The following FHL5 variants were observed in gnomAD, a reference collection of about 807,000 sequenced individuals.
The protein encoded by FHL5 is four and a half LIM domains 5.
Under a neutral mutation model 32.0 loss-of-function variants are expected in FHL5, and 33 were observed. The observed-to-expected ratio is 1.03, with a 90% CI of 0.78 to 1.38. The LOEUF is 1.38. FHL5 is among the 40% of genes most tolerant of loss of function. The pLI is 0.00. For missense variants in FHL5, 336 were observed against 343.9 expected, an observed-to-expected ratio of 0.98 and a Z score of 0.18; for synonymous variants, 114 against 113.6, an observed-to-expected ratio of 1.00 and a Z score of -0.02.
At position 96,618,559 on chromosome 6, in the gene FHL5, A is replaced by G. The variant is rs1223210466; in HGVS notation, c.*2787A>G. Among the ~76,000 whole-genome samples the G allele has an allele frequency of 6.6e-6, 1 of 152,248 alleles. No homozygotes were observed. The highest frequency in any genetic ancestry group is 1.5e-5 in the Non-Finnish European group (1 of 68,052). ...TCCTTTGTGGAATAGAACCAAAGAA[A>G]GCAAGGTTCCAAGGATTAAGTTTCT... On this transcript the variant is annotated 3_prime_UTR_variant, in exon 6 of 6. Transcript: ENST00000450218.
chr6:96,585,363 C>A (rs149021167), intron 1 of FHL5, among the ~76,000 whole-genome samples: 4 of 152,050 alleles, frequency 2.6e-5, no homozygotes, highest in African/African-American at 9.7e-5. Flanking sequence ...GATAGCCATG[C>A]GGCAATCCCA....
At chr6:96,582,985 A>T (rs986819792) in intron 1 of FHL5, among the ~76,000 whole-genome samples, 1 of 152,174 alleles carries the variant, frequency 6.6e-6, no homozygotes, top group Non-Finnish European at 1.5e-5. Context: ...GAGTGGGATC[A>T]TAAGCAATTA....
chr6:96,582,652 C>T (rs2127963481), intron 1 of FHL5, among the ~76,000 whole-genome samples: 1 of 152,214 alleles, frequency 6.6e-6, no homozygotes, highest in African/African-American at 2.4e-5. Context: ...TTGTGTTCAA[C>T]CTTTCCACAC....
chr6:96,601,288 C>T (rs1023458481), intron 1 of FHL5, among the ~76,000 whole-genome samples: 4 of 151,408 alleles, frequency 2.6e-5, no homozygotes, highest in South Asian at 2.1e-4. Context: ...GAGCCGAGAT[C>T]ACACCACAGC....
At chr6:96,609,174 C>A (rs779460264) in intron 4 of FHL5, among the ~76,000 whole-genome samples, 3 of 151,760 alleles carry the variant, frequency 2.0e-5, no homozygotes, top group Admixed American at 6.6e-5. Flanking sequence ...TTAAAAATAC[C>A]TTTAGAATAA....
chr6:96,587,430 T>C (rs1405670663), intron 1 of FHL5, among the ~76,000 whole-genome samples: 1 of 152,192 alleles, frequency 6.6e-6, no homozygotes, highest in Non-Finnish European at 1.5e-5. Context: ...GGATCCTCAG[T>C]TCTTTAGGAA....
chr6:96,610,747 A>G lies in FHL5; in HGVS notation c.680A>G (p.Lys227Arg), dbSNP rs1287024354. The change falls in exon 5 of 6, where the codon AAA (lysine) becomes AGA (arginine). Residue 227 changes from lysine (K) to arginine (R), a missense_variant. Lys to Arg is a conservative substitution (Grantham distance 26, BLOSUM62 2). Transcript: ENST00000450218. ...GCCAACAAGTGTGTAGCCTGTTCCA[A>G]ACCCATTAGTGGTGAGTTCTTCAGT... ...LYANKCVACS[K>R]PISGLTGAKF... 1.2e-6 allele frequency: 2 copies of G among 1,611,980 alleles called. No homozygotes were observed. The highest frequency in any genetic ancestry group is 1.1e-5 in the South Asian group (1 of 90,756).
At chr6:96,601,305 G>A (rs1036109595) in intron 1 of FHL5, among the ~76,000 whole-genome samples, 1 of 152,192 alleles carries the variant, frequency 6.6e-6, no homozygotes, top group East Asian at 1.9e-4. Flanking sequence ...CAGCACTCCA[G>A]CCTGGGCAAT....
rs761742353 is a variant in FHL5, at chr6:96,593,329, T to C, written c.-12-10273T>C. On this transcript the variant is annotated intron_variant, in intron 1 of 5. Transcript: ENST00000450218. Reference sequence around the variant, plus strand: ...GTATGTTTCTATTCTTTATATTCCCTTGTCTTCTTCTGAACATGGTCATTT... The same window carrying C: ...GTATGTTTCTATTCTTTATATTCCCCTGTCTTCTTCTGAACATGGTCATTT... 1.0e-3 allele frequency among the ~76,000 whole-genome samples: 155 copies of C among 152,138 alleles called. 3 individuals carry two copies. Among genetic ancestry groups the C allele is most frequent in the Non-Finnish European group, 2.9e-4 (20 of 68,002 alleles).
chr6:96,587,711 T>A (rs1208413434), intron 1 of FHL5, among the ~76,000 whole-genome samples: 1 of 152,230 alleles, frequency 6.6e-6, no homozygotes, highest in East Asian at 1.9e-4. Context: ...TAGATAATCT[T>A]ATATTGCATC....
chr6:96,594,219 A>G (rs1420906453), intron 1 of FHL5, among the ~76,000 whole-genome samples: 1 of 132,916 alleles, frequency 7.5e-6, no homozygotes, highest in Non-Finnish European at 1.6e-5. Flanking sequence ...TCCAATAAAT[A>G]TTAGAATTTA....
chr6:96,590,481 T>C (rs568421716), intron 1 of FHL5, among the ~76,000 whole-genome samples: 2 of 152,172 alleles, frequency 1.3e-5, no homozygotes, highest in East Asian at 3.9e-4. Context: ...TGAGCAACTC[T>C]AATAACTAAC....
Position 96,598,994 on chromosome 6 carries a change from T to G in FHL5, c.-12-4608T>G, listed in dbSNP as rs1441342281. On this transcript the variant is annotated intron_variant, in intron 1 of 5. Coordinates refer to ENST00000450218, the MANE Select transcript of FHL5 (RefSeq NM_001322466.2). ...CTTGCCTCTCTCCCACATGAAATGT[T>G]CTCAACTACACTTCTTGTGAGTCTA... Among the ~76,000 whole-genome samples, 3 of 152,180 alleles carry G rather than the reference T, an allele frequency of 2.0e-5. No homozygotes were observed. The South Asian group carries it at 6.2e-4, about 31-fold the overall frequency.
At position 96,617,430 on chromosome 6, in the gene FHL5, G is replaced by A. The variant is rs919110153; in HGVS notation, c.*1658G>A. On this transcript the variant is annotated 3_prime_UTR_variant, in exon 6 of 6. Transcript: ENST00000450218. ...ATAGTTTAAAATGCAAGAATATTCA[G>A]CGATGTTAATAATTTAGAGATACTA... is the stretch of plus-strand genomic sequence containing the variant. Among the ~76,000 whole-genome samples, 18 of 152,186 alleles carry A rather than the reference G, an allele frequency of 1.2e-4. No homozygotes were observed. Among genetic ancestry groups the A allele is most frequent in the Non-Finnish European group, 8.8e-5 (6 of 68,038 alleles).
In FHL5 at chr6:96,604,773, C is replaced by T. The variant is rs773712999; in HGVS notation, c.183C>T (p.His61=). ...DSKDLCYKDR[H]WHEGCFKCTK... The stretch of plus-strand genomic sequence containing the variant: ...AGGATCTTTGTTACAAAGACCGGCA[C>T]TGGCATGAAGGATGCTTCAAGTGCA... Residue 61 remains histidine, a synonymous_variant, in exon 3 of 6, where the codon CAC becomes CAT. Coordinates refer to ENST00000450218, the MANE Select transcript of FHL5 (RefSeq NM_001322466.2). 2 of 1,612,176 alleles carry T rather than the reference C, an allele frequency of 1.2e-6. No homozygotes were observed. The highest frequency in any genetic ancestry group is 1.7e-6 in the Non-Finnish European group (2 of 1,179,286).
chr6:96,596,961 T>C (rs544098384), intron 1 of FHL5, among the ~76,000 whole-genome samples: 1 of 152,236 alleles, frequency 6.6e-6, no homozygotes, highest in South Asian at 2.1e-4. Flanking sequence ...CATTCACTTT[T>C]TAAGTCCTAC....
chr6:96,596,724 G>A (rs78922078), intron 1 of FHL5, among the ~76,000 whole-genome samples: 3,776 of 152,108 alleles, frequency 0.025, 128 homozygotes, highest in African/African-American at 0.072. Flanking sequence ...CAGGAAAATA[G>A]TCTAAACTTC....
At chr6:96,587,892 AG>A (rs141533602) in intron 1 of FHL5, among the ~76,000 whole-genome samples, 5,747 of 152,268 alleles carry the variant, frequency 0.038, 136 homozygotes, top group African/African-American at 0.052. Context: ...TGCATTAAGG[AG>A]GGTACCTGTA....
At position 96,604,893 on chromosome 6, in the gene FHL5, G is replaced by A; in HGVS notation, c.303G>A (p.Lys101=). The A allele has an allele frequency of 1.9e-6, 3 of 1,611,066 alleles. No individual in the cohort carries two copies. The highest frequency in any genetic ancestry group is 2.5e-6 in the Non-Finnish European group (3 of 1,178,552). The part of the protein sequence containing the change: ...TECYSNECSS[K]CFHCKRTIMP... ...GCTATTCTAACGAGTGCTCCTCCAA[G>A]TGCTTCCACTGCAAGAGGACCATCA... The change falls in exon 3 of 6, where the codon AAG becomes AAA. Residue 101 remains lysine, a synonymous_variant. Coordinates refer to ENST00000450218, the MANE Select transcript of FHL5 (RefSeq NM_001322466.2).
Sources: gnomAD v4.1 joint callset for allele counts (sites outside exome capture counted in the v4.1 genomes callset) on GRCh38, gnomAD v4.1.1 for gene constraint, MANE v1.5 for transcripts, NCBI Gene and HGNC (gene_info 2026-07-23, HGNC 2026-07-21) for gene names.